Variants in MACROD2 observed in about 807,000 individuals in gnomAD.
The protein encoded by MACROD2 is mono-ADP ribosylhydrolase 2.
In MACROD2, 36 loss-of-function variants were observed where a neutral mutation model predicts 70.4. The ratio of observed to expected loss-of-function variants is 0.51; its 90% CI spans 0.39 to 0.68. The LOEUF (loss-of-function observed/expected upper bound fraction) is 0.68, where lower values mean the gene tolerates loss of function less well. MACROD2 is among the 30% of genes least tolerant of loss of function. MACROD2 has a pLI of 0.00. For synonymous variants in MACROD2, 172 were observed against 178.8 expected (o/e 0.96, Z 0.30); for missense variants, 496 against 538.4 (o/e 0.92, Z 0.78).
rs547874805 is a variant in MACROD2 at position 14,780,026 on chromosome 20, A to T, written c.418+95067A>T. On this transcript the variant is annotated intron_variant, in intron 5 of 17. Coordinates refer to ENST00000684519, the MANE Select transcript of MACROD2 (RefSeq NM_001351661.2). ...CCTCTTTTTACAGATGAAGAAACTG[A>T]GGTTCAGAGAGGTTGAATCACTCTT... 1.7e-3 allele frequency among the ~76,000 whole-genome samples: 262 copies of T among 152,138 alleles called. 2 individuals carry two copies. The highest frequency in any genetic ancestry group is 6.2e-3 in the African/African-American group (255 of 41,454).
chr20:14,558,769 C>T (rs1979231141), intron 4 of MACROD2, among the ~76,000 whole-genome samples: 1 of 151,692 alleles, frequency 6.6e-6, no homozygotes, highest in African/African-American at 2.4e-5. Context: ...ATGGCATAAA[C>T]TAAAAGATTT....
At chr20:14,002,249 C>A in intron 1 of MACROD2, 39 bp from the exon 2 acceptor site, 1 of 1,322,974 alleles carries the variant, frequency 7.6e-7, no homozygotes, top group Non-Finnish European at 1.1e-6. Context: ...CATGTTTAAA[C>A]GTTAAATACA....
intron 4 of MACROD2, among the ~76,000 whole-genome samples, chr20:14,648,621 CAT>C (rs753035871): frequency 1.8e-4 from 27 of 148,732 alleles, no homozygotes; most frequent in Admixed American, 3.4e-4. Context: ...TTTATTTAAA[CAT>C]ATATATATAT....
At chr20:14,262,550 G>A (rs2122317799) in intron 3 of MACROD2, among the ~76,000 whole-genome samples, 1 of 152,312 alleles carries the variant, frequency 6.6e-6, no homozygotes, top group Middle Eastern at 3.4e-3. Flanking sequence ...CAACACAGAT[G>A]TGATAGTGGA....
chr20:14,813,103 G>A (rs1309358711), intron 5 of MACROD2, among the ~76,000 whole-genome samples: 1 of 151,752 alleles, frequency 6.6e-6, no homozygotes, highest in Non-Finnish European at 1.5e-5. Context: ...TTACTAACAA[G>A]TATTAATTGT....
intron 7 of MACROD2, among the ~76,000 whole-genome samples, chr20:15,496,157 ATTGTGATGC>A (rs1393634387): frequency 5.3e-5 from 8 of 152,314 alleles, no homozygotes; most frequent in South Asian, 2.1e-4. Context: ...GCTTCAAATG[ATTGTGATGC>A]TTGTGATGCT....
At chr20:16,035,177 TATATATTATATATAAAATATA>T (rs2067216355) in intron 15 of MACROD2, among the ~76,000 whole-genome samples, 1 of 120,890 alleles carries the variant, frequency 8.3e-6, no homozygotes, top group Non-Finnish European at 1.6e-5. Flanking sequence ...TATAAAATAT[TATATATTATATATAAAATATA>T]ATATAAAATA....
chr20:14,794,699 T>A (rs2072490378), intron 5 of MACROD2, among the ~76,000 whole-genome samples: 1 of 152,124 alleles, frequency 6.6e-6, no homozygotes, highest in African/African-American at 2.4e-5. Flanking sequence ...AATATCTGTT[T>A]GTAGAGCATT....
intron 4 of MACROD2, among the ~76,000 whole-genome samples, chr20:14,599,850 G>A (rs991677618): frequency 3.3e-5 from 5 of 152,158 alleles, no homozygotes; most frequent in Admixed American, 6.5e-5. Context: ...GGCGGACAGG[G>A]GAGGATTTCA....
intron 6 of MACROD2, among the ~76,000 whole-genome samples, chr20:15,428,028 G>C (rs942566401): frequency 6.6e-6 from 1 of 152,164 alleles, no homozygotes; most frequent in East Asian, 1.9e-4. Flanking sequence ...AATATCAATA[G>C]TGCTGAGGTT....
intron 3 of MACROD2, among the ~76,000 whole-genome samples, chr20:14,286,477 A>G (rs975534584): frequency 2.0e-5 from 3 of 152,282 alleles, no homozygotes; most frequent in East Asian, 3.9e-4. Flanking sequence ...ACCGAAATCC[A>G]TTATTAGAAT....
intron 8 of MACROD2, among the ~76,000 whole-genome samples, chr20:15,807,464 G>A (rs1457931354): frequency 6.6e-6 from 1 of 152,172 alleles, no homozygotes; most frequent in Non-Finnish European, 1.5e-5. Flanking sequence ...CAAGTTAGAA[G>A]ATTCGAGTTG....
At chr20:14,534,350 A>T (rs999967740) in intron 4 of MACROD2, among the ~76,000 whole-genome samples, 2 of 152,196 alleles carry the variant, frequency 1.3e-5, no homozygotes, top group Non-Finnish European at 2.9e-5. Flanking sequence ...TTTGTTTCAG[A>T]TGTGGTGAAC....
At chr20:15,057,095 A>G (rs1419137992) in intron 5 of MACROD2, among the ~76,000 whole-genome samples, 2 of 152,186 alleles carry the variant, frequency 1.3e-5, no homozygotes, top group Non-Finnish European at 2.9e-5. Context: ...TTTATGCCCT[A>G]CCATATATAT....
intron 7 of MACROD2, among the ~76,000 whole-genome samples, chr20:15,498,533 A>G (rs181629011): frequency 6.6e-6 from 1 of 152,298 alleles, no homozygotes; most frequent in Admixed American, 6.5e-5. Flanking sequence ...GAATGCCGCT[A>G]GAAAGAAGCC....
chr20:14,403,662 T>A (rs1282779450), intron 3 of MACROD2, among the ~76,000 whole-genome samples: 1 of 152,204 alleles, frequency 6.6e-6, no homozygotes, highest in East Asian at 1.9e-4. Flanking sequence ...AAGATTTCTT[T>A]TTCACAGAGT....
chr20:14,143,166 T>C (rs1465977045), intron 3 of MACROD2, among the ~76,000 whole-genome samples: 1 of 152,204 alleles, frequency 6.6e-6, no homozygotes, highest in Non-Finnish European at 1.5e-5. Flanking sequence ...CCATGTGATG[T>C]TGGCTTTGTA....
chr20:14,672,296 C>T (rs1356071923), intron 4 of MACROD2, among the ~76,000 whole-genome samples: 1 of 152,228 alleles, frequency 6.6e-6, no homozygotes, highest in African/African-American at 2.4e-5. Context: ...ATCTCTCATC[C>T]TTCAGCTAGC....
intron 3 of MACROD2, among the ~76,000 whole-genome samples, chr20:14,110,640 ATAAAAT>A (rs1260097319): frequency 6.6e-6 from 1 of 151,986 alleles, no homozygotes; most frequent in Non-Finnish European, 1.5e-5. Flanking sequence ...ATAGCTACAA[ATAAAAT>A]TAAATACCTA....
Sources: allele counts gnomAD v4.1 joint callset (sites outside exome capture counted in the v4.1 genomes callset), GRCh38; gene constraint gnomAD v4.1.1; transcripts MANE v1.5; gene names NCBI Gene and HGNC (gene_info 2026-07-23, HGNC 2026-07-21).